The following SEZ6 variants were observed in gnomAD, a reference collection of about 807,000 sequenced individuals.
SEZ6 encodes the protein seizure related 6 homolog, also known as seizure protein 6 homolog.
SEZ6 carries 53 observed loss-of-function variants against 101.0 expected under a neutral mutation model. That is an observed-to-expected ratio of 0.52 (90% CI 0.42 to 0.66). SEZ6 has a LOEUF of 0.66. SEZ6 is among the 30% of genes least tolerant of loss of function. The pLI, the probability that SEZ6 is intolerant of heterozygous loss-of-function variation, is 0.00. For synonymous variants in SEZ6, 488 were observed against 512.2 expected, an observed-to-expected ratio of 0.95 and a Z score of 0.64; for missense variants, 1,102 against 1,289.4, an observed-to-expected ratio of 0.85 and a Z score of 2.23.
chr17:28,969,894 G>T lies in SEZ6; in HGVS notation c.917C>A (p.Pro306His). 2 of 1,545,006 alleles carry T rather than the reference G, an allele frequency of 1.3e-6. No homozygotes were observed. Among genetic ancestry groups the T allele is most frequent in the Admixed American group, 2.2e-5 (1 of 45,224 alleles). ...CTGGTTGGCCAGGGGCAGTGGGTCA[G>T]GCCCCCCCAGGCCTTCCACAGTCAC... ...ETVTVEGLGG[P>H]DPLPLANQSF... Residue 306 changes from proline (P) to histidine (H), a missense_variant, in exon 4 of 17, where the codon CCT (proline) becomes CAT (histidine). Around this residue, in one of 3 missense-constraint regions of SEZ6, gnomAD observed 406 missense variants for 418.6 expected, o/e 0.97. Transcript: ENST00000317338.
intron 4 of SEZ6, among the ~76,000 whole-genome samples, chr17:28,966,921 G>A (rs1434950656): frequency 6.6e-6 from 1 of 152,184 alleles, no homozygotes; most frequent in Non-Finnish European, 1.5e-5. Flanking sequence ...GTCGGTAAGT[G>A]GCTAGTTGTG....
At chr17:28,992,173 C>G (rs1262348751) in intron 1 of SEZ6, among the ~76,000 whole-genome samples, 1 of 152,188 alleles carries the variant, frequency 6.6e-6, no homozygotes, top group Non-Finnish European at 1.5e-5. Flanking sequence ...AGTGGCAGCC[C>G]TTTGTGCTTG....
chr17:28,979,618 C>G (rs1432363313), intron 3 of SEZ6, 62 bp downstream of exon 3: 1 of 1,609,242 alleles, frequency 6.2e-7, no homozygotes, highest in Non-Finnish European at 8.5e-7. Flanking sequence ...TAGCATGTGC[C>G]TCTCTGAAGA....
intron 1 of SEZ6, among the ~76,000 whole-genome samples, chr17:28,996,473 T>G (rs1598213042): frequency 6.6e-6 from 1 of 151,268 alleles, no homozygotes; most frequent in Admixed American, 6.6e-5. Context: ...AGGGGAGGGG[T>G]GCAGAGCTGC....
Position 28,958,058 on chromosome 17 carries a change from C to T in SEZ6, c.2191G>A (p.Gly731Ser), listed in dbSNP as rs139179377. 4.8e-5 allele frequency: 78 copies of T among 1,613,658 alleles called. No homozygotes were observed. The highest frequency in any genetic ancestry group is 2.0e-4 in the Admixed American group (12 of 60,014). ...KSPSQPELVHGTVVTYQCYPG... is the reference protein window; with the variant it reads ...KSPSQPELVHSTVVTYQCYPG... ...TAGCACTGGTAAGTGACCACGGTGC[C>T]GTGCACTAGCTCAGGCTGCGATGGG... Residue 731 changes from glycine (G) to serine (S), a missense_variant, in exon 11 of 17, where the codon GGC becomes AGC. Physicochemically the swap from Gly to Ser is moderately conservative, Grantham distance 56. This residue lies in a region of SEZ6 where 556 missense variants were observed against 735.1 expected (regional missense o/e 0.76). Coordinates refer to ENST00000317338, the MANE Select transcript of SEZ6 (RefSeq NM_178860.5).
At position 28,959,531 on chromosome 17, in the gene SEZ6, A is replaced by G. The variant is rs1487316763; in HGVS notation, c.1772-59T>C. ...CAAGCTTACCATGGTGTTGCTTACC[A>G]TCTGCCCGCAGGAGTGCCCACAAAT... On this transcript the variant is annotated intron_variant, in intron 8 of 16. Coordinates refer to ENST00000317338, the MANE Select transcript of SEZ6 (RefSeq NM_178860.5). This position sits in a 1 kb window ranked among gnomAD's most constrained non-coding sequence, Gnocchi z 4.4. 1.3e-6 allele frequency: 2 copies of G among 1,589,172 alleles called. No homozygotes were observed. The highest frequency in any genetic ancestry group is 2.7e-5 in the African/African-American group (2 of 74,624).
At chr17:28,960,398 G>A in intron 7 of SEZ6, 107 bp downstream of exon 7, 1 of 1,423,518 alleles carries the variant, frequency 7.0e-7, no homozygotes, top group Non-Finnish European at 9.6e-7. Context: ...TGACTTGGAA[G>A]GAGTGACAGC....
At chr17:28,986,534 C>T (rs1380450956) in intron 1 of SEZ6, among the ~76,000 whole-genome samples, 1 of 152,210 alleles carries the variant, frequency 6.6e-6, no homozygotes, top group African/African-American at 2.4e-5. Flanking sequence ...GAAACCGAGG[C>T]TCAGTGAGGC....
At chr17:28,981,104 C>T (rs1186723806) in intron 2 of SEZ6, among the ~76,000 whole-genome samples, 2 of 151,962 alleles carry the variant, frequency 1.3e-5, no homozygotes, top group Non-Finnish European at 2.9e-5. Flanking sequence ...CCATGTTGGC[C>T]AGGAGGGTCT....
Position 28,981,542 on chromosome 17 carries a change from G to T in SEZ6, c.553C>A (p.Gln185Lys), listed in dbSNP as rs1395784475. The change falls in exon 2 of 17, where the codon CAA (glutamine) becomes AAA (lysine). Residue 185 changes from glutamine to lysine, a missense_variant. Around this residue, in one of 3 missense-constraint regions of SEZ6, gnomAD observed 406 missense variants for 418.6 expected, o/e 0.97. Transcript: ENST00000317338. ...CTTCCCATGTCTCCAGGACCCTCTT[G>T]GGTTGGTGTCCAGGCTCTGCTGGGG... Reference protein sequence around the residue: ...TPPSRAWTPTQEGPGDMGRPW... With the variant: ...TPPSRAWTPTKEGPGDMGRPW... The T allele has an allele frequency of 1.9e-6, 3 of 1,612,524 alleles. No individual in the cohort carries two copies. Among genetic ancestry groups the T allele is most frequent in the Non-Finnish European group, 1.7e-6 (2 of 1,179,340 alleles).
chr17:28,994,319 AG>A, intron 1 of SEZ6, among the ~76,000 whole-genome samples: 1 of 151,634 alleles, frequency 6.6e-6, no homozygotes, highest in African/African-American at 2.4e-5. Context: ...TCTGTCACCC[AG>A]GCTGGAGTAC....
rs1302240291 is a variant in SEZ6 at position 28,955,423 on chromosome 17, C to T, written c.*539G>A. The T allele has an allele frequency of 2.9e-6, 1 of 349,254 alleles. No homozygotes were observed. Among genetic ancestry groups the T allele is most frequent in the African/African-American group, 2.1e-5 (1 of 46,602 alleles). 21.6% of individuals were successfully genotyped at this position (349,254 alleles called of 1,614,324 possible). ...GGACAGGGCAGGAGGCAGAACTGTC[C>T]AGAACTTTAGAGAACTAGAGACCTC... On this transcript the variant is annotated 3_prime_UTR_variant, in exon 17 of 17. Transcript: ENST00000317338.
At position 28,959,139 on chromosome 17, in the gene SEZ6, G is replaced by C; in HGVS notation, c.1993C>G (p.Pro665Ala). The C allele has an allele frequency of 6.2e-7, 1 of 1,613,894 alleles. No homozygotes were observed. Among genetic ancestry groups the C allele is most frequent in the Non-Finnish European group, 8.5e-7 (1 of 1,179,836 alleles). ...TARVLGQYSG[P>A]RSHFKLFTSM... ...GTAAAGAGCTTGAAGTGGCTACGGG[G>C]CCCTGAGTACTGGCCCAGAACCCGG... The change falls in exon 10 of 17, where the codon CCC (proline) becomes GCC (alanine). Residue 665 changes from proline to alanine, a missense_variant. Coordinates refer to ENST00000317338, the MANE Select transcript of SEZ6 (RefSeq NM_178860.5). This position sits in a 1 kb window ranked among gnomAD's most constrained non-coding sequence, Gnocchi z 4.4.
At chr17:28,994,711 G>T (rs2041512346) in intron 1 of SEZ6, among the ~76,000 whole-genome samples, 2 of 151,370 alleles carry the variant, frequency 1.3e-5, no homozygotes, top group South Asian at 4.2e-4. Context: ...GTCCGGCCCG[G>T]TTACTGACTT....
rs563638450 is a variant in SEZ6, at chr17:28,969,746, C to T, written c.1054+11G>A. 1.8e-5 allele frequency: 26 copies of T among 1,475,818 alleles called. 1 individual carries two copies. The Admixed American group carries it at 7.0e-4, about 40-fold the overall frequency. 91.4% of individuals were successfully genotyped at this position (1,475,818 alleles called of 1,614,324 possible). A position where few individuals can be genotyped will look rare whatever the true frequency, so the allele number is the denominator to read the frequency against. On this transcript the variant is annotated intron_variant, in intron 4 of 16. Transcript: ENST00000317338. ...CTGGGCTGGTTCCACCTTCAACTACCCAGGCCTTACCTTGGTAATGGAAAT... is the reference window on the plus strand; with the variant it reads ...CTGGGCTGGTTCCACCTTCAACTACTCAGGCCTTACCTTGGTAATGGAAAT...
chr17:29,002,806 G>A (rs957127113), intron 1 of SEZ6, among the ~76,000 whole-genome samples: 4 of 152,178 alleles, frequency 2.6e-5, no homozygotes, highest in African/African-American at 9.7e-5. Context: ...TTTAGGTTAA[G>A]GCAGCCCTCG....
At chr17:28,969,719 G>A (rs903567638) in intron 4 of SEZ6, 38 bp downstream of exon 4, 1 of 1,431,528 alleles carries the variant, frequency 7.0e-7, no homozygotes, top group Non-Finnish European at 9.1e-7. Context: ...AGGGCAGCGA[G>A]TCTGGGCTGG....
Position 28,956,176 on chromosome 17 carries a change from G to T in SEZ6, c.2935C>A (p.Pro979Thr), listed in dbSNP as rs776692116. 1.4e-6 allele frequency: 2 copies of T among 1,410,294 alleles called. No homozygotes were observed. The allele number at this position is 1,410,294 out of a possible 1,614,324, so 87.4% of individuals were successfully genotyped here. Residue 979 changes from proline to threonine, a missense_variant, in exon 16 of 17, where the codon CCA becomes ACA. Pro to Thr is a conservative substitution (Grantham distance 38). This residue lies in a region of SEZ6 where 140 missense variants were observed against 135.7 expected (regional missense o/e 1.03). Transcript: ENST00000317338. Reference sequence around the variant, plus strand: ...TTACTTACTCCAGTCTCGTAAGTTGGATTGTCAAACGCTGACTCTATGGTA... The same window carrying T: ...TTACTTACTCCAGTCTCGTAAGTTGTATTGTCAAACGCTGACTCTATGGTA... ...RITIESAFDN[P>T]TYETGSLSFA...
In SEZ6 at chr17:28,979,614, G is replaced by A. The variant is rs568807691; in HGVS notation, c.858+66C>T. ...TCATCCCCACATCCTCTCATAGCAT[G>A]TGCCTCTCTGAAGAAAGAGAATACA... On this transcript the variant is annotated intron_variant, in intron 3 of 16. Coordinates refer to ENST00000317338, the MANE Select transcript of SEZ6 (RefSeq NM_178860.5). 21 of 1,606,434 alleles carry A rather than the reference G, an allele frequency of 1.3e-5. No homozygotes were observed. The African/African-American group carries it at 1.5e-4, about 11-fold the overall frequency.
Sources: gnomAD v4.1 joint callset for allele counts (sites outside exome capture counted in the v4.1 genomes callset) on GRCh38, gnomAD v4.1.1 for gene constraint, gnomAD v4.1.1 regional missense constraint, Gnocchi (gnomAD v3.1) non-coding constraint, MANE v1.5 for transcripts, NCBI Gene and HGNC (gene_info 2026-07-23, HGNC 2026-07-21) for gene names.